HTR1F: variants seen among roughly 807,000 people sequenced by gnomAD.
The protein encoded by HTR1F is 5-hydroxytryptamine receptor 1F.
Under a neutral mutation model 24.0 loss-of-function variants are expected in HTR1F, and 17 were observed. That is an observed-to-expected ratio of 0.71 (90% CI 0.48 to 1.06). The LOEUF is 1.06. Ranked by LOEUF, HTR1F falls within the 50% of genes least tolerant of loss-of-function variation. The probability of loss-of-function intolerance (pLI) is 0.00; values close to 1 mark genes in which losing one functional copy is unlikely to be tolerated. For synonymous variants in HTR1F, 186 were observed against 156.8 expected (o/e 1.19, Z -1.39); for missense variants, 391 against 427.8 (o/e 0.91, Z 0.76).
chr3:87,874,189 T>C (rs1705619757), intron 2 of HTR1F, among the ~76,000 whole-genome samples: 1 of 151,982 alleles, frequency 6.6e-6, no homozygotes, highest in Non-Finnish European at 1.5e-5. Context: ...TAAATGTATC[T>C]CTGTTCACAA....
At chr3:87,907,628 A>C (rs2919270) in intron 2 of HTR1F, among the ~76,000 whole-genome samples, 74,731 of 151,740 alleles carry the variant, frequency 0.49, 21,254 homozygotes, top group African/African-American at 0.8. Context: ...ACACCATATC[A>C]ACCACAAGAC....
intron 2 of HTR1F, among the ~76,000 whole-genome samples, chr3:87,905,515 T>A (rs1703645157): frequency 6.6e-6 from 1 of 152,116 alleles, no homozygotes; most frequent in Non-Finnish European, 1.5e-5. Context: ...AGAAACTTGG[T>A]GCAGCCTGCA....
chr3:87,933,917 A>G (rs1416741609), intron 2 of HTR1F, among the ~76,000 whole-genome samples: 4 of 152,198 alleles, frequency 2.6e-5, no homozygotes, highest in Non-Finnish European at 5.9e-5. Flanking sequence ...ATGAGAAGAT[A>G]AGACTCCCTG....
At chr3:87,987,815 T>C (rs1412622042) in intron 2 of HTR1F, among the ~76,000 whole-genome samples, 1 of 144,150 alleles carries the variant, frequency 6.9e-6, no homozygotes, top group Non-Finnish European at 1.5e-5. Flanking sequence ...ATTATATATG[T>C]ATTATATATA....
intron 2 of HTR1F, among the ~76,000 whole-genome samples, chr3:87,825,564 A>G (rs932034829): frequency 3.9e-5 from 6 of 152,066 alleles, no homozygotes; most frequent in South Asian, 2.1e-4. Flanking sequence ...CATATATCCA[A>G]TTGGTCACTA....
intron 1 of HTR1F, among the ~76,000 whole-genome samples, chr3:87,807,213 G>A (rs937462083): frequency 2.0e-5 from 3 of 151,854 alleles, no homozygotes; most frequent in Non-Finnish European, 4.4e-5. Context: ...TAGATCACAA[G>A]GGGCAGTATG....
At chr3:87,914,721 C>T (rs1345132629) in intron 2 of HTR1F, among the ~76,000 whole-genome samples, 1 of 151,990 alleles carries the variant, frequency 6.6e-6, no homozygotes, top group Non-Finnish European at 1.5e-5. Flanking sequence ...TTTAAACATG[C>T]CTAGCCCTGC....
chr3:87,879,684 T>C (rs539103574), intron 2 of HTR1F, among the ~76,000 whole-genome samples: 1 of 152,338 alleles, frequency 6.6e-6, no homozygotes, highest in East Asian at 1.9e-4. Flanking sequence ...CATGATTTTA[T>C]TCTAATACAT....
chr3:87,913,895 T>C (rs530311664), intron 2 of HTR1F, among the ~76,000 whole-genome samples: 1 of 152,208 alleles, frequency 6.6e-6, no homozygotes, highest in East Asian at 1.9e-4. Context: ...CAGCTCTGAC[T>C]TGGACAGACA....
chr3:87,845,591 A>G (rs1181125303), intron 2 of HTR1F, among the ~76,000 whole-genome samples: 3 of 150,368 alleles, frequency 2.0e-5, no homozygotes, highest in African/African-American at 2.5e-5. Flanking sequence ...AGAGGATACA[A>G]ACAAATGGAA....
chr3:87,912,034 C>T (rs1289872147), intron 2 of HTR1F, among the ~76,000 whole-genome samples: 4 of 152,082 alleles, frequency 2.6e-5, no homozygotes, highest in Non-Finnish European at 5.9e-5. Context: ...ATCACCACTC[C>T]TATTCAACAT....
At chr3:87,832,146 A>C (rs1049650832) in intron 2 of HTR1F, among the ~76,000 whole-genome samples, 4 of 152,172 alleles carry the variant, frequency 2.6e-5, no homozygotes, top group African/African-American at 9.7e-5. Context: ...CGTATTGAGT[A>C]ACTAAAGCTA....
chr3:87,915,950 T>C (rs1222204106), intron 2 of HTR1F, among the ~76,000 whole-genome samples: 1 of 152,098 alleles, frequency 6.6e-6, no homozygotes, highest in Non-Finnish European at 1.5e-5. Context: ...TTAAGAGCTG[T>C]GAGACAAAAG....
intron 2 of HTR1F, among the ~76,000 whole-genome samples, chr3:87,917,883 A>C (rs1703929653): frequency 1.3e-5 from 2 of 152,042 alleles, no homozygotes; most frequent in Non-Finnish European, 2.9e-5. Context: ...AGCCAGTATC[A>C]CCCTAATACC....
intron 2 of HTR1F, among the ~76,000 whole-genome samples, chr3:87,897,093 A>G (rs1023512257): frequency 6.6e-6 from 1 of 152,036 alleles, no homozygotes; most frequent in African/African-American, 2.4e-5. Context: ...ATCACCTGTT[A>G]AAGATATTGA....
intron 1 of HTR1F, among the ~76,000 whole-genome samples, chr3:87,812,131 A>G (rs1704170622): frequency 6.6e-6 from 1 of 152,204 alleles, no homozygotes; most frequent in Non-Finnish European, 1.5e-5. Flanking sequence ...ATGGACTAGT[A>G]CAGTTAATTA....
intron 2 of HTR1F, among the ~76,000 whole-genome samples, chr3:87,873,629 C>T (rs1705607964): frequency 1.3e-5 from 2 of 152,144 alleles, no homozygotes; most frequent in Admixed American, 1.3e-4. Context: ...AGCACAGTCA[C>T]ATTGACATAT....
At chr3:87,903,950 A>G (rs1703592662) in intron 2 of HTR1F, among the ~76,000 whole-genome samples, 1 of 152,216 alleles carries the variant, frequency 6.6e-6, no homozygotes, top group Non-Finnish European at 1.5e-5. Context: ...AAGTAAAGCC[A>G]TAGTTACAAG....
At chr3:87,911,813 A>G (rs1703783793) in intron 2 of HTR1F, among the ~76,000 whole-genome samples, 1 of 152,140 alleles carries the variant, frequency 6.6e-6, no homozygotes, top group Non-Finnish European at 1.5e-5. Context: ...TAAAGATGAA[A>G]ACTATGATTG....
Sources: allele counts gnomAD v4.1 joint callset (sites outside exome capture counted in the v4.1 genomes callset), GRCh38; gene constraint gnomAD v4.1.1; transcripts MANE v1.5; gene names NCBI Gene and HGNC (gene_info 2026-07-23, HGNC 2026-07-21).